The following RIMKLB variants were observed in gnomAD, a reference collection of about 807,000 sequenced individuals.
RIMKLB encodes ribosomal modification protein rimK like family member B, also known as beta-citrylglutamate synthase B.
Under a neutral mutation model 32.0 loss-of-function variants are expected in RIMKLB, and 7 were observed. The ratio of observed to expected loss-of-function variants is 0.22; its 90% CI spans 0.12 to 0.41. The LOEUF (loss-of-function observed/expected upper bound fraction) is 0.41, where lower values mean the gene tolerates loss of function less well. Among genes scored for constraint, RIMKLB ranks in the 10% least tolerant of loss-of-function variants. The probability of loss-of-function intolerance (pLI) is 1.00; values close to 1 mark genes in which losing one functional copy is unlikely to be tolerated. For missense variants in RIMKLB, 289 were observed against 498.7 expected (o/e 0.58, Z 4.00); for synonymous variants, 172 against 185.1 (o/e 0.93, Z 0.57).
At chr12:8,715,228 C>CTTTTTTTTTTTTTTT (rs61677474) in intron 2 of RIMKLB, among the ~76,000 whole-genome samples, 6 of 123,740 alleles carry the variant, frequency 4.8e-5, no homozygotes, top group African/African-American at 1.6e-4. Context: ...TGCTCTTGTT[C>CTTTTTTTTTTTTTTT]TTTTTTTTTT....
At chr12:8,681,648 A>AT (rs1251362997) in exon 1 of RIMKLB, 2 of 152,228 alleles carry the variant, frequency 1.3e-5, no homozygotes, top group Non-Finnish European at 2.9e-5. Flanking sequence ...ATAAAGCTCT[A>AT]TAAAAACTCA....
chr12:8,694,138 C>T (rs1057285375), upstream of RIMKLB, among the ~76,000 whole-genome samples: 1 of 151,948 alleles, frequency 6.6e-6, no homozygotes, highest in Non-Finnish European at 1.5e-5. Context: ...GAGGCTGAGG[C>T]AGGAGAATCA....
At chr12:8,698,489 G>T (rs1227207634) in intron 1 of RIMKLB, among the ~76,000 whole-genome samples, 192 bp downstream of exon 1, 1 of 152,132 alleles carries the variant, frequency 6.6e-6, no homozygotes, top group Non-Finnish European at 1.5e-5. Context: ...AGTCGGTGGG[G>T]AGCGAGGCGG....
intron 1 of RIMKLB, among the ~76,000 whole-genome samples, chr12:8,704,852 G>GTACA (rs1170987039): frequency 0.023 from 2 of 88 alleles, no homozygotes; most frequent in Non-Finnish European, 0.038. Flanking sequence ...GGGTGTGGTG[G>GTACA]TACATACCTG....
At chr12:8,767,546 A>G (rs932452075) in intron 5 of RIMKLB, among the ~76,000 whole-genome samples, 2 of 152,214 alleles carry the variant, frequency 1.3e-5, no homozygotes, top group Non-Finnish European at 2.9e-5. Context: ...CTTTCAAGAA[A>G]GTCGTGGTCG....
chr12:8,691,150 CAA>C (rs938279334), intron 1 of RIMKLB, among the ~76,000 whole-genome samples: 2 of 152,018 alleles, frequency 1.3e-5, no homozygotes, highest in Admixed American at 1.3e-4. Flanking sequence ...TTCTGCGAAA[CAA>C]TACGAAAGAT....
At chr12:8,712,527 A>G (rs1420616311) in intron 1 of RIMKLB, among the ~76,000 whole-genome samples, 2 of 152,256 alleles carry the variant, frequency 1.3e-5, no homozygotes, top group African/African-American at 4.8e-5. Flanking sequence ...AAGCTGAGTT[A>G]CTACCATAAT....
intron 1 of RIMKLB, among the ~76,000 whole-genome samples, chr12:8,683,049 A>G (rs1942462242): frequency 6.6e-6 from 1 of 152,156 alleles, no homozygotes; most frequent in Admixed American, 6.5e-5. Flanking sequence ...ACTTAGTAAT[A>G]TGCTCTTAAG....
chr12:8,765,238 T>C (rs943276735), intron 5 of RIMKLB, among the ~76,000 whole-genome samples: 7 of 152,102 alleles, frequency 4.6e-5, no homozygotes, highest in African/African-American at 1.7e-4. Flanking sequence ...TTGAATAATT[T>C]GTAGGCTTTT....
At chr12:8,741,781 C>T (rs932074314) in intron 2 of RIMKLB, among the ~76,000 whole-genome samples, 2 of 151,810 alleles carry the variant, frequency 1.3e-5, no homozygotes, top group Non-Finnish European at 2.9e-5. Context: ...CCAAAACTAA[C>T]TATTGGGTAC....
chr12:8,778,888 T>A (rs1270665445), downstream of RIMKLB: 1 of 152,248 alleles, frequency 6.6e-6, no homozygotes, highest in African/African-American at 2.4e-5. Context: ...TGGCGTGTAA[T>A]GCCATTTCTT....
chr12:8,672,978 T>C, the RIMKLB span, among the ~76,000 whole-genome samples: 1 of 152,084 alleles, frequency 6.6e-6, no homozygotes, highest in Non-Finnish European at 1.5e-5. Flanking sequence ...ACCTCCCGGG[T>C]TCAAGAGATT....
intron 2 of RIMKLB, among the ~76,000 whole-genome samples, chr12:8,748,171 T>C (rs60331702): frequency 0.038 from 5,786 of 152,334 alleles, 335 homozygotes; most frequent in African/African-American, 0.13. Context: ...GAATATGTTC[T>C]GTATTTTTGT....
intron 1 of RIMKLB, among the ~76,000 whole-genome samples, chr12:8,699,614 C>T (rs1011937138): frequency 6.6e-6 from 1 of 151,990 alleles, no homozygotes; most frequent in Non-Finnish European, 1.5e-5. Flanking sequence ...GGGAGGAGGC[C>T]TATTTTGTCT....
intron 1 of RIMKLB, 28 bp downstream of exon 1, chr12:8,698,325 G>C (rs1045426645): frequency 3.3e-6 from 1 of 303,436 alleles, no homozygotes; most frequent in Non-Finnish European, 6.8e-6. Flanking sequence ...TGTTGCCCTC[G>C]GGTGTAGAGC....
At chr12:8,708,027 T>G (rs1056813275) in intron 1 of RIMKLB, among the ~76,000 whole-genome samples, 7 of 152,208 alleles carry the variant, frequency 4.6e-5, no homozygotes, top group Non-Finnish European at 7.3e-5. Flanking sequence ...ACAATAGAAT[T>G]CTATACAGAT....
intron 4 of RIMKLB, among the ~76,000 whole-genome samples, chr12:8,752,668 GCATATGAAAA>G (rs1948710634): frequency 6.6e-6 from 1 of 152,154 alleles, no homozygotes; most frequent in Non-Finnish European, 1.5e-5. Context: ...TTACAAGATG[GCATATGAAAA>G]TATCTTAATG....
chr12:8,782,135 ATGAT>A (rs1565443899), downstream of RIMKLB, among the ~76,000 whole-genome samples: 7 of 151,598 alleles, frequency 4.6e-5, no homozygotes. Context: ...CTGAAAGAAA[ATGAT>A]AAACTTGAGT....
At position 8,776,594 on chromosome 12, in the gene RIMKLB, T is replaced by C; in HGVS notation, c.*2810T>C. 1.2e-6 allele frequency: 1 copy of C among 846,888 alleles called. No homozygotes were observed. The highest frequency in any genetic ancestry group is 6.2e-4 in the Middle Eastern group (1 of 1,626). 52.5% of individuals were successfully genotyped at this position (846,888 alleles called of 1,614,324 possible). ...AAATGATTATTTCTGATATTGTTTT[T>C]ATGTCACCCATGATGAAAACTGGAC... On this transcript the variant is annotated 3_prime_UTR_variant, in exon 6 of 6. Coordinates refer to ENST00000535829, the MANE Select transcript of RIMKLB (RefSeq NM_001297776.2).
Sources: gnomAD v4.1 joint callset for allele counts (sites outside exome capture counted in the v4.1 genomes callset) on GRCh38, gnomAD v4.1.1 for gene constraint, MANE v1.5 for transcripts, NCBI Gene and HGNC (gene_info 2026-07-23, HGNC 2026-07-21) for gene names.